E2F2: variants seen among roughly 807,000 people sequenced by gnomAD.
E2F2 encodes the protein transcription factor E2F2.
Under a neutral mutation model 42.2 loss-of-function variants are expected in E2F2, and 22 were observed. That is an observed-to-expected ratio of 0.52 (90% CI 0.37 to 0.74). E2F2 has a LOEUF of 0.74. Among genes scored for constraint, E2F2 ranks in the 30% least tolerant of loss-of-function variants. The pLI, the probability that E2F2 is intolerant of heterozygous loss-of-function variation, is 0.00. For synonymous variants in E2F2, 248 were observed against 251.6 expected (o/e 0.99, Z 0.13); for missense variants, 481 against 557.8 (o/e 0.86, Z 1.39).
intron 1 of E2F2, among the ~76,000 whole-genome samples, chr1:23,525,328 G>A (rs899302446): frequency 9.2e-5 from 14 of 152,152 alleles, no homozygotes; most frequent in South Asian, 2.1e-4. Flanking sequence ...GCACTGGCCC[G>A]GAAAGGGCCT....
chr1:23,526,078 G>T (rs539171320), intron 1 of E2F2, among the ~76,000 whole-genome samples: 2 of 152,118 alleles, frequency 1.3e-5, no homozygotes, highest in East Asian at 3.9e-4. Flanking sequence ...GGTTTGAGGA[G>T]CCTGGATATA....
chr1:23,525,560 C>T (rs1373795815), intron 1 of E2F2, among the ~76,000 whole-genome samples: 1 of 152,196 alleles, frequency 6.6e-6, no homozygotes, highest in Non-Finnish European at 1.5e-5. Context: ...TCAAGGAAGG[C>T]ACTACCTGGG....
At chr1:23,518,706 G>A (rs973561083) in intron 5 of E2F2, among the ~76,000 whole-genome samples, 1 of 152,132 alleles carries the variant, frequency 6.6e-6, no homozygotes, top group Non-Finnish European at 1.5e-5. Flanking sequence ...CAGCATGAAA[G>A]GATTTTCATG....
intron 6 of E2F2, among the ~76,000 whole-genome samples, chr1:23,513,104 G>A (rs1181021883): frequency 1.3e-5 from 2 of 149,970 alleles, no homozygotes; most frequent in East Asian, 2.0e-4. Context: ...GTGCCACCGC[G>A]GCTGGCCACA....
rs1643336568 is a variant in E2F2, at chr1:23,531,227, T to C, written c.-434A>G. On this transcript the variant is annotated 5_prime_UTR_variant, in exon 1 of 7. Coordinates refer to ENST00000361729, the MANE Select transcript of E2F2 (RefSeq NM_004091.4). The stretch of plus-strand genomic sequence containing the variant: ...CGGCTCGCTCTCTAGTCCTTGAGTC[T>C]TTCTCTGCCTCTTTTTTTTCTTCTT... 1 of 174,896 alleles carries C rather than the reference T, an allele frequency of 5.7e-6. No homozygotes were observed. Among genetic ancestry groups the C allele is most frequent in the Non-Finnish European group, 1.2e-5 (1 of 83,922 alleles). The allele number at this position is 174,896 out of a possible 1,614,324, so 10.8% of individuals were successfully genotyped here.
chr1:23,516,679 G>C (rs746042122), intron 5 of E2F2, 152 bp from the exon 6 acceptor site: 51 of 576,868 alleles, frequency 8.8e-5, no homozygotes, highest in Non-Finnish European at 1.3e-4. Context: ...GCCTAACTAA[G>C]GTGGACTTCC....
intron 4 of E2F2, 84 bp from the exon 5 acceptor site, chr1:23,519,214 C>T (rs1159648867): frequency 2.3e-6 from 2 of 872,612 alleles, no homozygotes. Context: ...ACCCACCTCT[C>T]CTAAGCCTCT....
downstream of E2F2, among the ~76,000 whole-genome samples, chr1:23,505,823 CAG>C (rs990959799): frequency 3.4e-3 from 510 of 151,368 alleles, 2 homozygotes; most frequent in African/African-American, 0.012. Context: ...TTTTTTTTTG[CAG>C]AGTCTCACTA....
chr1:23,507,031 G>A lies in E2F2; in HGVS notation c.*2849C>T, dbSNP rs1166324123. ...GTTAGGAGCATGTCCCTGGCTTCAA[G>A]AAATCTCTGAATCTCCAACTCTACT... On this transcript the variant is annotated 3_prime_UTR_variant, in exon 7 of 7. Coordinates refer to ENST00000361729, the MANE Select transcript of E2F2 (RefSeq NM_004091.4). The A allele has an allele frequency of 6.6e-6, 1 of 152,174 alleles. No individual in the cohort carries two copies. Among genetic ancestry groups the A allele is most frequent in the African/African-American group, 2.4e-5 (1 of 41,438 alleles). The allele number at this position is 152,174 out of a possible 1,614,324, so 9.4% of individuals were successfully genotyped here.
In E2F2 at chr1:23,516,493, C is replaced by T. The variant is rs765738650; in HGVS notation, c.887G>A (p.Gly296Glu). Reference sequence around the variant, plus strand: ...TGGGCACAGGTAGACTTCGATGGGCCCTTGGGTGCTCTTGAGATATATCTG... The same window carrying T: ...TGGGCACAGGTAGACTTCGATGGGCTCTTGGGTGCTCTTGAGATATATCTG... ...NLQIYLKSTQ[G>E]PIEVYLCPEE... The change falls in exon 6 of 7, where the codon GGG becomes GAG. Residue 296 changes from glycine (G) to glutamate (E), a missense_variant. Physicochemically the swap from Gly to Glu is moderately conservative, Grantham distance 98. Transcript: ENST00000361729. The T allele has an allele frequency of 2.5e-6, 4 of 1,609,006 alleles. No individual in the cohort carries two copies. Among genetic ancestry groups the T allele is most frequent in the Non-Finnish European group, 3.4e-6 (4 of 1,177,878 alleles).
chr1:23,508,099 ACAC>A lies in E2F2; in HGVS notation c.*1778_*1780del, dbSNP rs1299006924. ...GACCAAAAGCATTTCTGCAAAGGGTACACAATTAGCCCTGCTTATAGAGTGGGG... is the reference window on the plus strand; with the variant it reads ...GACCAAAAGCATTTCTGCAAAGGGTAAATTAGCCCTGCTTATAGAGTGGGG... On this transcript the variant is annotated 3_prime_UTR_variant, in exon 7 of 7. Coordinates refer to ENST00000361729, the MANE Select transcript of E2F2 (RefSeq NM_004091.4). The A allele has an allele frequency of 2.0e-5, 3 of 152,246 alleles. No homozygotes were observed. Among genetic ancestry groups the A allele is most frequent in the Non-Finnish European group, 4.4e-5 (3 of 68,056 alleles). 9.4% of individuals were successfully genotyped at this position (152,246 alleles called of 1,614,324 possible). A position where few individuals can be genotyped will look rare whatever the true frequency, so the allele number is the denominator to read the frequency against.
downstream of E2F2, among the ~76,000 whole-genome samples, chr1:23,505,509 G>A (rs539664465): frequency 9.4e-4 from 142 of 151,200 alleles, 1 homozygote; most frequent in African/African-American, 3.4e-3. Context: ...GCAGGTCTGA[G>A]GCAAGGTCTC....
intron 2 of E2F2, 61 bp downstream of exon 2, chr1:23,524,322 C>A: frequency 1.5e-6 from 2 of 1,291,470 alleles, no homozygotes; most frequent in South Asian, 1.4e-5. Flanking sequence ...AGTGATTGGG[C>A]AGGGCACTGC....
At position 23,530,421 on chromosome 1, in the gene E2F2, G is replaced by C. The variant is rs2124277144; in HGVS notation, c.252+121C>G. 2.2e-6 allele frequency: 3 copies of C among 1,359,550 alleles called. No individual in the cohort carries two copies. Among genetic ancestry groups the C allele is most frequent in the East Asian group, 2.5e-5 (1 of 40,254 alleles). The allele number at this position is 1,359,550 out of a possible 1,614,324, so 84.2% of individuals were successfully genotyped here. Reference sequence around the variant, plus strand: ...GGGCACTGGGTCCTGGAAACTGAAAGCTCATCTTCCCTCTTCCCAAAACTC... The same window carrying C: ...GGGCACTGGGTCCTGGAAACTGAAACCTCATCTTCCCTCTTCCCAAAACTC... On this transcript the variant is annotated intron_variant, in intron 1 of 6. Coordinates refer to ENST00000361729, the MANE Select transcript of E2F2 (RefSeq NM_004091.4). This position sits in a 1 kb window ranked among gnomAD's most constrained non-coding sequence, Gnocchi z 4.4.
intron 5 of E2F2, among the ~76,000 whole-genome samples, chr1:23,518,404 G>A (rs565337531): frequency 6.6e-6 from 1 of 152,136 alleles, no homozygotes; most frequent in African/African-American, 2.4e-5. Context: ...CCAGGAGGCG[G>A]AGATTGCAGT....
At chr1:23,524,573 G>T in intron 1 of E2F2, 85 bp from the exon 2 acceptor site, 1 of 1,251,406 alleles carries the variant, frequency 8.0e-7, no homozygotes, top group Non-Finnish European at 1.1e-6. Flanking sequence ...AAGCAATGAA[G>T]CCACTTAGCA....
At position 23,521,935 on chromosome 1, in the gene E2F2, C is replaced by T. The variant is rs1558250374; in HGVS notation, c.480G>A (p.Glu160=). The T allele has an allele frequency of 6.2e-7, 1 of 1,614,228 alleles. No individual in the cohort carries two copies. Among genetic ancestry groups the T allele is most frequent in the Non-Finnish European group, 8.5e-7 (1 of 1,180,034 alleles). Residue 160 remains glutamate (E), a synonymous_variant, in exon 3 of 7, where the codon GAG becomes GAA. Transcript: ENST00000361729. ...DGVLDLNWAA[E]VLDVQKRRIY... ...TGCGCCGCTTCTGCACGTCCAGCAC[C>T]TCAGCGGCCCAGTTCAGGTCCAGGA... is the stretch of plus-strand genomic sequence containing the variant.
chr1:23,522,509 C>A (rs1570468459), intron 2 of E2F2, among the ~76,000 whole-genome samples: 1 of 152,004 alleles, frequency 6.6e-6, no homozygotes, highest in Non-Finnish European at 1.5e-5. Flanking sequence ...TAGAAAGTGG[C>A]AAAGCTGGAA....
Position 23,520,243 on chromosome 1 carries a change from C to CAAAAAAAAAA in E2F2, c.737+660_737+669dup, listed in dbSNP as rs66460864. Among the ~76,000 whole-genome samples, 8 of 78,870 alleles carry CAAAAAAAAAA rather than the reference C, an allele frequency of 1.0e-4. 1 individual carries two copies. The highest frequency in any genetic ancestry group is 4.9e-4 in the African/African-American group (6 of 12,134). 51.7% of individuals were successfully genotyped at this position (78,870 alleles called of 152,430 possible). A position where few individuals can be genotyped will look rare whatever the true frequency, so the allele number is the denominator to read the frequency against. On this transcript the variant is annotated intron_variant, in intron 4 of 6. Coordinates refer to ENST00000361729, the MANE Select transcript of E2F2 (RefSeq NM_004091.4). ...CCTGGGCAAGAGTGAGACTCTGTCT[C>CAAAAAAAAAA]AAAAAAAAAAAAAAAAAAAAAAAAA...
Sources: allele counts gnomAD v4.1 joint callset (sites outside exome capture counted in the v4.1 genomes callset), GRCh38; gene constraint gnomAD v4.1.1; non-coding constraint Gnocchi (gnomAD v3.1); transcripts MANE v1.5; gene names NCBI Gene and HGNC (gene_info 2026-07-23, HGNC 2026-07-21).